Variants in SPATA17 observed in about 807,000 individuals in gnomAD.
SPATA17 encodes the protein spermatogenesis-associated protein 17.
In SPATA17, 53 loss-of-function variants were observed where a neutral mutation model predicts 62.2. The ratio of observed to expected loss-of-function variants is 0.85; its 90% CI spans 0.68 to 1.07. The LOEUF (loss-of-function observed/expected upper bound fraction) is 1.07. SPATA17 is among the 50% of genes least tolerant of loss of function. SPATA17 has a pLI of 0.00. For missense variants in SPATA17, 466 were observed against 425.5 expected (o/e 1.10, Z -0.84); for synonymous variants, 146 against 146.8 (o/e 0.99, Z 0.04).
At chr1:217,723,919 C>G (rs1035123315) in intron 5 of SPATA17, among the ~76,000 whole-genome samples, 22 of 152,228 alleles carry the variant, frequency 1.4e-4, no homozygotes, top group African/African-American at 5.1e-4. Flanking sequence ...TCCTGCCAAG[C>G]TCAGCATGTC....
intron 8 of SPATA17, among the ~76,000 whole-genome samples, chr1:217,799,862 CA>C (rs1366993761): frequency 6.6e-6 from 1 of 151,846 alleles, no homozygotes. Context: ...TGTTGAACCT[CA>C]ACTTTTTTTT....
chr1:217,715,903 C>T (rs1226296918), intron 5 of SPATA17, among the ~76,000 whole-genome samples: 2 of 152,152 alleles, frequency 1.3e-5, no homozygotes, highest in Admixed American at 1.3e-4. Flanking sequence ...GTGTTAAATG[C>T]TGTCTTTGTA....
intron 3 of SPATA17, among the ~76,000 whole-genome samples, chr1:217,661,763 T>C (rs1670576002): frequency 1.3e-5 from 2 of 152,156 alleles, no homozygotes; most frequent in Non-Finnish European, 2.9e-5. Flanking sequence ...TTCTCCTTTT[T>C]ATTGGTAACA....
intron 9 of SPATA17, among the ~76,000 whole-genome samples, chr1:217,831,296 G>C (rs1267473968): frequency 2.0e-5 from 3 of 152,008 alleles, no homozygotes; most frequent in Non-Finnish European, 2.9e-5. Context: ...AGCAGCATTA[G>C]AGAAAAGAAT....
chr1:217,734,617 T>G (rs768281847), intron 5 of SPATA17, among the ~76,000 whole-genome samples: 25 of 152,228 alleles, frequency 1.6e-4, no homozygotes, highest in Admixed American at 5.9e-4. Context: ...GAATTTTATT[T>G]TTTCTTAAAG....
At chr1:217,759,973 C>T (rs890381103) in intron 6 of SPATA17, among the ~76,000 whole-genome samples, 2 of 151,726 alleles carry the variant, frequency 1.3e-5, no homozygotes, top group African/African-American at 4.8e-5. Context: ...ATTATGTATT[C>T]GAAAGTACAA....
intron 6 of SPATA17, among the ~76,000 whole-genome samples, chr1:217,759,162 CAAAAA>C (rs1243136417): frequency 1.2e-4 from 19 of 152,122 alleles, no homozygotes; most frequent in African/African-American, 4.6e-4. Context: ...ATTCAGATTA[CAAAAA>C]AGTAGATGAA....
intron 9 of SPATA17, among the ~76,000 whole-genome samples, chr1:217,828,093 A>T (rs554018480): frequency 6.6e-6 from 1 of 152,160 alleles, no homozygotes; most frequent in Non-Finnish European, 1.5e-5. Flanking sequence ...TAAAATTTGT[A>T]TGGAACCACA....
intron 6 of SPATA17, among the ~76,000 whole-genome samples, chr1:217,769,120 CA>C (rs908967667): frequency 5.3e-5 from 8 of 151,912 alleles, no homozygotes; most frequent in Admixed American, 5.2e-4. Context: ...AAGAAGATAT[CA>C]AAAAGATTGC....
chr1:217,839,984 C>T (rs981038112), intron 9 of SPATA17, among the ~76,000 whole-genome samples: 4 of 149,544 alleles, frequency 2.7e-5, no homozygotes, highest in South Asian at 2.1e-4. Flanking sequence ...CTCGGAAAAT[C>T]GTGTTTAAAG....
rs1414157018 is a variant in SPATA17, at chr1:217,793,311, T to C, written c.873-8407T>C. 3.4e-5 allele frequency among the ~76,000 whole-genome samples: 5 copies of C among 144,976 alleles called. No homozygotes were observed. In the Admixed American group the frequency reaches 3.5e-4, roughly 10 times the overall value. On this transcript the variant is annotated intron_variant, in intron 8 of 10. Transcript: ENST00000366933. Reference sequence around the variant, plus strand: ...TCTCGGCTCACTGCAAGCTCCGCCTTCCGGGTTGATGCCATTCTCCCGCCT... The same window carrying C: ...TCTCGGCTCACTGCAAGCTCCGCCTCCCGGGTTGATGCCATTCTCCCGCCT...
intron 10 of SPATA17, among the ~76,000 whole-genome samples, chr1:217,863,341 G>A (rs1482115181): frequency 1.3e-5 from 2 of 151,904 alleles, no homozygotes; most frequent in Non-Finnish European, 2.9e-5. Flanking sequence ...ATGATGGCCA[G>A]GCTGGTCTCG....
At chr1:217,731,981 TG>T (rs1672411092) in intron 5 of SPATA17, among the ~76,000 whole-genome samples, 1 of 152,172 alleles carries the variant, frequency 6.6e-6, no homozygotes, top group Non-Finnish European at 1.5e-5. Flanking sequence ...ATTACCCCTT[TG>T]TAATGCTTGA....
intron 2 of SPATA17, among the ~76,000 whole-genome samples, chr1:217,650,100 T>C (rs753616844): frequency 6.6e-6 from 1 of 151,796 alleles, no homozygotes; most frequent in Admixed American, 6.6e-5. Flanking sequence ...CCACCATGCC[T>C]GGATAATTTT....
chr1:217,773,693 G>A (rs966026881), intron 6 of SPATA17, among the ~76,000 whole-genome samples: 16 of 151,976 alleles, frequency 1.1e-4, no homozygotes, highest in Admixed American at 2.0e-4. Flanking sequence ...CAGAAGCATA[G>A]CACCTAACCA....
intron 5 of SPATA17, among the ~76,000 whole-genome samples, chr1:217,724,202 A>T (rs948429567): frequency 6.6e-6 from 1 of 152,252 alleles, no homozygotes; most frequent in Admixed American, 6.5e-5. Context: ...CATTTAATAT[A>T]TCATTAATCT....
intron 8 of SPATA17, among the ~76,000 whole-genome samples, chr1:217,788,310 C>A (rs2102980616): frequency 6.6e-6 from 1 of 151,652 alleles, no homozygotes; most frequent in East Asian, 2.0e-4. Flanking sequence ...TAGGATATTG[C>A]AATAGAAATG....
chr1:217,781,155 C>G (rs986381591), intron 7 of SPATA17: 1 of 151,986 alleles, frequency 6.6e-6, no homozygotes, highest in African/African-American at 2.4e-5. Context: ...TAACTGGTTC[C>G]TATTATTGGT....
chr1:217,850,795 G>T (rs1303457269), intron 9 of SPATA17, among the ~76,000 whole-genome samples: 1 of 152,024 alleles, frequency 6.6e-6, no homozygotes, highest in Non-Finnish European at 1.5e-5. Flanking sequence ...GGTAGATGTA[G>T]GATATAAACA....
Sources: allele counts gnomAD v4.1 joint callset (sites outside exome capture counted in the v4.1 genomes callset), GRCh38; gene constraint gnomAD v4.1.1; transcripts MANE v1.5; gene names NCBI Gene and HGNC (gene_info 2026-07-23, HGNC 2026-07-21).